The following MRPL47 variants were observed in gnomAD, a reference collection of about 807,000 sequenced individuals.
MRPL47 encodes the protein mitochondrial ribosomal protein L47.
In MRPL47, 31 loss-of-function variants were observed where a neutral mutation model predicts 34.0. That is an observed-to-expected ratio of 0.91 (90% CI 0.68 to 1.23). The LOEUF is 1.23. Among genes scored for constraint, MRPL47 ranks in the 50% most tolerant of loss-of-function variants. The probability of loss-of-function intolerance (pLI) is 0.00; values close to 1 mark genes in which losing one functional copy is unlikely to be tolerated. For missense variants in MRPL47, 328 were observed against 285.8 expected (o/e 1.15, Z -1.07); for synonymous variants, 106 against 101.6 (o/e 1.04, Z -0.26).
At chr3:179,597,489 G>T (rs558941701) in intron 4 of MRPL47, among the ~76,000 whole-genome samples, 5 of 152,070 alleles carry the variant, frequency 3.3e-5, no homozygotes. Flanking sequence ...TGAAAGCATC[G>T]AGTAAAAACA....
rs1281221559 is a variant in MRPL47 at position 179,602,668 on chromosome 3, T to C, written c.228A>G (p.Gln76=). 1 of 1,611,132 alleles carries C rather than the reference T, an allele frequency of 6.2e-7. No homozygotes were observed. The highest frequency in any genetic ancestry group is 1.7e-5 in the Admixed American group (1 of 59,636). ...EFFDDPKNWG[Q]EKVKSGAAWT... ...GTATCTCACCAGATTTTACTTTTTCTTGCCCCCAGTTTTTTGGGTCATCAA... is the reference window on the plus strand; with the variant it reads ...GTATCTCACCAGATTTTACTTTTTCCTGCCCCCAGTTTTTTGGGTCATCAA... Residue 76 remains glutamine, a synonymous_variant, in exon 2 of 7, where the codon CAA becomes CAG. Transcript: ENST00000476781.
chr3:179,593,632 C>G (rs1221539220), intron 5 of MRPL47, 133 bp downstream of exon 5: 5 of 734,786 alleles, frequency 6.8e-6, no homozygotes, highest in Non-Finnish European at 1.0e-5. Flanking sequence ...GGGTGTGGGG[C>G]CTCTTCTTTT....
rs1423211720 is a variant in MRPL47 at position 179,603,770 on chromosome 3, AAATT to A, written c.98+753_98+756del. Among the ~76,000 whole-genome samples, 4 of 152,248 alleles carry A rather than the reference AAATT, an allele frequency of 2.6e-5. 1 individual carries two copies. Among genetic ancestry groups the A allele is most frequent in the Non-Finnish European group, 5.9e-5 (4 of 68,040 alleles). ...AAAAATTACTGTGCATCTGGATGATAAATTATTATGCAGTAATTCAAAAATCCTG... is the reference window on the plus strand; with the variant it reads ...AAAAATTACTGTGCATCTGGATGATAATTATGCAGTAATTCAAAAATCCTG... On this transcript the variant is annotated intron_variant, in intron 1 of 6. Transcript: ENST00000476781.
At chr3:179,604,412 C>T in intron 1 of MRPL47, 115 bp downstream of exon 1, 1 of 978,198 alleles carries the variant, frequency 1.0e-6, no homozygotes, top group Non-Finnish European at 1.6e-6. Flanking sequence ...GGCTCCGGCT[C>T]TGCCATCCAG....
At chr3:179,592,851 C>A (rs1047924738) in intron 5 of MRPL47, 112 bp from the exon 6 acceptor site, 10 of 675,804 alleles carry the variant, frequency 1.5e-5, no homozygotes, top group Non-Finnish European at 2.6e-5. Context: ...GAAAATAAAA[C>A]ATAAACATTT....
At position 179,588,762 on chromosome 3, in the gene MRPL47, A is replaced by G. The variant is rs1460970984; in HGVS notation, c.*110T>C. 9.5e-7 allele frequency: 1 copy of G among 1,054,778 alleles called. No individual in the cohort carries two copies. The highest frequency in any genetic ancestry group is 1.4e-6 in the Non-Finnish European group (1 of 737,166). The allele number at this position is 1,054,778 out of a possible 1,614,324, so 65.3% of individuals were successfully genotyped here. Reference sequence around the variant, plus strand: ...TTCACACTTAGAACAACTGATTAGTAAAGTCACTTGACTAAAAACAGAATT... The same window carrying G: ...TTCACACTTAGAACAACTGATTAGTGAAGTCACTTGACTAAAAACAGAATT... On this transcript the variant is annotated 3_prime_UTR_variant, in exon 7 of 7. Coordinates refer to ENST00000476781, the MANE Select transcript of MRPL47 (RefSeq NM_020409.3).
chr3:179,589,008 A>G lies in MRPL47; in HGVS notation c.630-13T>C. The G allele has an allele frequency of 6.3e-7, 1 of 1,592,080 alleles. No homozygotes were observed. Among genetic ancestry groups the G allele is most frequent in the Non-Finnish European group, 8.5e-7 (1 of 1,172,740 alleles). ...CTCACGTTCCAGTCTAGAATAAAAA[A>G]AGCGTAACAGCAATTTATACAAAAA... On this transcript the variant is annotated splice_polypyrimidine_tract_variant and intron_variant, in intron 6 of 6. Coordinates refer to ENST00000476781, the MANE Select transcript of MRPL47 (RefSeq NM_020409.3).
intron 1 of MRPL47, 93 bp downstream of exon 1, chr3:179,604,434 A>T: frequency 7.7e-7 from 1 of 1,290,740 alleles, no homozygotes. Flanking sequence ...CGGCCGTTCC[A>T]TTCTTGAGTT....
intron 6 of MRPL47, among the ~76,000 whole-genome samples, chr3:179,589,604 T>C (rs1183777686): frequency 6.6e-6 from 1 of 152,192 alleles, no homozygotes; most frequent in Non-Finnish European, 1.5e-5. Context: ...TTACAGGATA[T>C]TGGTCAATAG....
intron 4 of MRPL47, among the ~76,000 whole-genome samples, chr3:179,595,287 G>C (rs747330589): frequency 6.6e-6 from 1 of 152,160 alleles, no homozygotes; most frequent in Non-Finnish European, 1.5e-5. Context: ...GGGCTCAAGT[G>C]ATCTATTTGC....
chr3:179,601,251 C>CA (rs1239707810), intron 3 of MRPL47, among the ~76,000 whole-genome samples: 1 of 151,824 alleles, frequency 6.6e-6, no homozygotes, highest in African/African-American at 2.4e-5. Context: ...CCATAAAACG[C>CA]AAAAAAATTA....
rs111568880 is a variant in MRPL47, at chr3:179,602,602, G to C, written c.244+50C>G. On this transcript the variant is annotated intron_variant, in intron 2 of 6. Transcript: ENST00000476781. The stretch of plus-strand genomic sequence containing the variant: ...TAGAACGATGGTTGGGCGGGGCGGG[G>C]GGGGGGGTTCCATAAATATATCTAA... The C allele has an allele frequency of 2.5e-3, 2,087 of 844,896 alleles. 59 individuals carry two copies. In the African/African-American group the frequency reaches 0.038, roughly 16 times the overall value. The allele number at this position is 844,896 out of a possible 1,614,324, so 52.3% of individuals were successfully genotyped here.
At chr3:179,603,685 T>G (rs1431341332) in intron 1 of MRPL47, among the ~76,000 whole-genome samples, 3 of 152,216 alleles carry the variant, frequency 2.0e-5, no homozygotes, top group African/African-American at 7.2e-5. Flanking sequence ...AGATGTTTAT[T>G]AAAGCACTAT....
chr3:179,590,824 A>G (rs1398421810), intron 6 of MRPL47, among the ~76,000 whole-genome samples: 1 of 149,146 alleles, frequency 6.7e-6, no homozygotes, highest in Non-Finnish European at 1.5e-5. Flanking sequence ...ACAATGGGAG[A>G]AGAAAAGACA....
At chr3:179,596,396 C>G (rs1576867800) in intron 4 of MRPL47, among the ~76,000 whole-genome samples, 1 of 152,196 alleles carries the variant, frequency 6.6e-6, no homozygotes, top group African/African-American at 2.4e-5. Context: ...ACTGGAAACA[C>G]CAGATGTATA....
rs777465849 is a variant in MRPL47 at position 179,601,716 on chromosome 3, C to G, written c.305+14G>C. 2.0e-6 allele frequency: 3 copies of G among 1,536,766 alleles called. No individual in the cohort carries two copies. Among genetic ancestry groups the G allele is most frequent in the South Asian group, 2.2e-5 (2 of 89,136 alleles). On this transcript the variant is annotated intron_variant, in intron 3 of 6. Transcript: ENST00000476781. ...CTTCAAACGTCTAGATGTTAATGTA[C>G]TTAGTATACTTACCAAAGTTTGTGT...
In MRPL47 at chr3:179,588,524, TAAC is replaced by T. The variant is rs1718580322; in HGVS notation, c.*345_*347del. On this transcript the variant is annotated 3_prime_UTR_variant, in exon 7 of 7. Transcript: ENST00000476781. The stretch of plus-strand genomic sequence containing the variant: ...TACCCACATCCTCTTCATAGCCTAT[TAAC>T]AACAGAGGTAAAACTATTATTCAAA... 3 of 191,920 alleles carry T rather than the reference TAAC, an allele frequency of 1.6e-5. No individual in the cohort carries two copies. The highest frequency in any genetic ancestry group is 4.7e-5 in the African/African-American group (2 of 42,488). 11.9% of individuals were successfully genotyped at this position (191,920 alleles called of 1,614,324 possible).
chr3:179,591,229 G>A (rs545958022), intron 6 of MRPL47, among the ~76,000 whole-genome samples: 1 of 152,252 alleles, frequency 6.6e-6, no homozygotes, highest in South Asian at 2.1e-4. Context: ...TGCCTTCCCA[G>A]CCTTGAATTC....
rs926531232 is a variant in MRPL47 at position 179,592,124 on chromosome 3, C to T, written c.629+520G>A. On this transcript the variant is annotated intron_variant, in intron 6 of 6. Transcript: ENST00000476781. Reference sequence around the variant, plus strand: ...CTGGGATTACAGGCATGAGCCAACACGCTTGGCTGACTGTGGCTATTTCTG... The same window carrying T: ...CTGGGATTACAGGCATGAGCCAACATGCTTGGCTGACTGTGGCTATTTCTG... Among the ~76,000 whole-genome samples, 8 of 152,228 alleles carry T rather than the reference C, an allele frequency of 5.3e-5. No individual in the cohort carries two copies. In the East Asian group the frequency reaches 1.2e-3, roughly 22 times the overall value.
Sources: allele counts gnomAD v4.1 joint callset (sites outside exome capture counted in the v4.1 genomes callset), GRCh38; gene constraint gnomAD v4.1.1; transcripts MANE v1.5; gene names NCBI Gene and HGNC (gene_info 2026-07-23, HGNC 2026-07-21).